Variants in CROCC observed in about 807,000 individuals in gnomAD.
CROCC encodes rootletin.
In CROCC, 180 loss-of-function variants were observed where a neutral mutation model predicts 245.2. The ratio of observed to expected loss-of-function variants is 0.73; its 90% confidence interval spans 0.65 to 0.83. The LOEUF (loss-of-function observed/expected upper bound fraction) is 0.83. CROCC is among the 40% of genes least tolerant of loss of function. CROCC has a pLI of 0.00. For synonymous variants in CROCC, 1,205 were observed against 1,241.6 expected (o/e 0.97, Z 0.62); for missense variants, 2,688 against 2,779.4 (o/e 0.97, Z 0.74).
intron 14 of CROCC, among the ~76,000 whole-genome samples, chr1:16,944,739 C>G (rs2076008808): frequency 6.6e-6 from 1 of 152,256 alleles, no homozygotes; most frequent in Non-Finnish European, 1.5e-5. Flanking sequence ...TGCCCCAGGT[C>G]ACACAGTTAG....
At chr1:16,939,248 A>G (rs1297144784) in intron 12 of CROCC, 106 bp downstream of exon 12, 9 of 1,052,906 alleles carry the variant, frequency 8.5e-6, no homozygotes, top group African/African-American at 5.0e-5. Flanking sequence ...CCAGGGTCCG[A>G]GGGAGGAGTC....
chr1:16,914,269 G>T lies in CROCC; in HGVS notation n.126-16017G>T, dbSNP rs11203412. ...GCGCTGTGTGTTCCGCGACTGCCGC[G>T]GCCCGGCACCGGAGGCCAGGAGAGC... On this transcript the variant is annotated intron_variant and non_coding_transcript_variant, in intron 1 of 8. Transcript: ENST00000466256. Among the ~76,000 whole-genome samples the T allele has an allele frequency of 2.0e-3, 302 of 152,100 alleles. 1 individual carries two copies. The highest frequency in any genetic ancestry group is 6.4e-3 in the African/African-American group (267 of 41,518).
intron 17 of CROCC, among the ~76,000 whole-genome samples, chr1:16,948,018 T>G (rs1230870748): frequency 6.6e-6 from 1 of 152,272 alleles, no homozygotes; most frequent in East Asian, 1.9e-4. Context: ...TTTGTATTTT[T>G]AGTAGAGACA....
Position 16,936,751 on chromosome 1 carries a change from G to A in CROCC, c.1071G>A (p.Leu357=). 1 of 1,610,938 alleles carries A rather than the reference G, an allele frequency of 6.2e-7. No homozygotes were observed. Among genetic ancestry groups the A allele is most frequent in the Non-Finnish European group, 8.5e-7 (1 of 1,179,386 alleles). Residue 357 remains leucine (L), a synonymous_variant, in exon 9 of 37, where the codon CTG becomes CTA. Coordinates refer to ENST00000375541, the MANE Select transcript of CROCC (RefSeq NM_014675.5). ...CAGAGAGCCGGGCCGAGGCAGCCCT[G>A]GAGAAACAGGCCCTGCTGCAGGCCC... ...RLAESRAEAA[L]EKQALLQAQL...
Position 16,966,385 on chromosome 1 carries a change from G to A in CROCC, c.4697-23G>A. 1.3e-6 allele frequency: 2 copies of A among 1,505,694 alleles called. No individual in the cohort carries two copies. Among genetic ancestry groups the A allele is most frequent in the Admixed American group, 2.2e-5 (1 of 46,158 alleles). The allele number at this position is 1,505,694 out of a possible 1,614,324, so 93.3% of individuals were successfully genotyped here. A position where few individuals can be genotyped will look rare whatever the true frequency, so the allele number is the denominator to read the frequency against. On this transcript the variant is annotated intron_variant, in intron 29 of 36. Transcript: ENST00000375541. This position sits in a 1 kb window ranked among gnomAD's most constrained non-coding sequence, Gnocchi z 4.8. The stretch of plus-strand genomic sequence containing the variant: ...CTCGGGGCTGTGCTTGGCCATGCCT[G>A]ACGGGGTGGGTGGTGGCTACAGCCC...
At chr1:16,915,787 T>C (rs1484482695) in intron 1 of CROCC, among the ~76,000 whole-genome samples, 1 of 151,742 alleles carries the variant, frequency 6.6e-6, no homozygotes, top group African/African-American at 2.4e-5. Flanking sequence ...CAAGCGGGAG[T>C]CAGCTGTGCA....
intron 19 of CROCC, 150 bp downstream of exon 19, chr1:16,949,076 T>A: frequency 9.6e-7 from 1 of 1,044,990 alleles, no homozygotes; most frequent in Non-Finnish European, 1.4e-6. Flanking sequence ...AGATCTCACC[T>A]TCCCTTGAGC....
chr1:16,933,241 G>A (rs12096559), intron 8 of CROCC, among the ~76,000 whole-genome samples: 21,874 of 150,092 alleles, frequency 0.15, 915 homozygotes, highest in South Asian at 0.2. Context: ...CGAGGCGGGC[G>A]GACCACCTGA....
intron 8 of CROCC, among the ~76,000 whole-genome samples, chr1:16,933,575 CTTTT>C (rs371462394): frequency 1.2e-4 from 18 of 151,682 alleles, no homozygotes; most frequent in African/African-American, 4.3e-4. Flanking sequence ...TCTTTTTTTT[CTTTT>C]TTTTTGAGAT....
At chr1:16,955,665 A>G in intron 24 of CROCC, 115 bp downstream of exon 24, 2 of 982,244 alleles carry the variant, frequency 2.0e-6, no homozygotes, top group Non-Finnish European at 2.9e-6. Flanking sequence ...CTGTCTCCTA[A>G]GCAGAGCCTG....
At chr1:16,930,725 C>T (rs1469000663) in intron 7 of CROCC, 131 bp downstream of exon 7, 11 of 929,698 alleles carry the variant, frequency 1.2e-5, no homozygotes, top group East Asian at 5.5e-5. Flanking sequence ...AGTAAATAGC[C>T]GTCATCACAA....
At chr1:16,953,997 G>T in intron 21 of CROCC, 1 of 440,370 alleles carries the variant, frequency 2.3e-6, no homozygotes, top group South Asian at 3.9e-5. Flanking sequence ...TGCAGTCAGG[G>T]TGCTGTGGCG....
chr1:16,954,148 T>C lies in CROCC; in HGVS notation c.3187-75T>C, dbSNP rs1759226. ...CTAAGCCCCCAGTGGGCACATTTCCTAGGCAGCAAGAAGCCTGAGCATGCC... is the reference window on the plus strand; with the variant it reads ...CTAAGCCCCCAGTGGGCACATTTCCCAGGCAGCAAGAAGCCTGAGCATGCC... On this transcript the variant is annotated intron_variant, in intron 21 of 36. Coordinates refer to ENST00000375541, the MANE Select transcript of CROCC (RefSeq NM_014675.5). This position sits in a 1 kb window ranked among gnomAD's most constrained non-coding sequence, Gnocchi z 4.4. The C allele has an allele frequency of 0.052, 75,847 of 1,464,610 alleles. 2,150 individuals are homozygous for C. Among genetic ancestry groups the C allele is most frequent in the African/African-American group, 0.13 (9,173 of 70,814 alleles). 90.7% of individuals were successfully genotyped at this position (1,464,610 alleles called of 1,614,324 possible). A position where few individuals can be genotyped will look rare whatever the true frequency, so the allele number is the denominator to read the frequency against.
At chr1:16,925,845 G>A (rs1215272475) in intron 3 of CROCC, among the ~76,000 whole-genome samples, 2 of 152,236 alleles carry the variant, frequency 1.3e-5, no homozygotes, top group African/African-American at 4.8e-5. Context: ...GTTTCCCCAG[G>A]GTCTGCAGCG....
At chr1:16,964,493 A>G (rs2076388050) in intron 27 of CROCC, among the ~76,000 whole-genome samples, 1 of 151,356 alleles carries the variant, frequency 6.6e-6, no homozygotes, top group Admixed American at 6.6e-5. Context: ...AGTTCAAGCA[A>G]TTCTCCTGCC....
intron 11 of CROCC, 110 bp from the exon 12 acceptor site, chr1:16,938,799 G>T: frequency 9.2e-7 from 1 of 1,087,552 alleles, no homozygotes; most frequent in Non-Finnish European, 1.4e-6. Flanking sequence ...TCTTGTAAGA[G>T]GCAGCATTTG....
chr1:16,923,332 C>T (rs1333858889), intron 2 of CROCC, among the ~76,000 whole-genome samples: 8 of 152,258 alleles, frequency 5.3e-5, no homozygotes, highest in African/African-American at 1.7e-4. Context: ...GTGCTCTAAC[C>T]ATTGTCTGTG....
Position 16,941,686 on chromosome 1 carries a change from G to T in CROCC, c.1808+1593G>T, listed in dbSNP as rs2075936050. On this transcript the variant is annotated intron_variant, in intron 13 of 36. Transcript: ENST00000375541. ...GGCGGAGCTGGCAGCGAGCCGAGATGGCGCCACTGCACTCCAGCCTGAGCG... is the reference window on the plus strand; with the variant it reads ...GGCGGAGCTGGCAGCGAGCCGAGATTGCGCCACTGCACTCCAGCCTGAGCG... Among the ~76,000 whole-genome samples the T allele has an allele frequency of 2.6e-5, 4 of 151,732 alleles. No individual in the cohort carries two copies. The East Asian group carries it at 7.7e-4, about 29-fold the overall frequency.
chr1:16,937,551 G>A (rs1233806232), intron 9 of CROCC, 90 bp from the exon 10 acceptor site: 24 of 1,119,576 alleles, frequency 2.1e-5, no homozygotes, highest in Middle Eastern at 2.8e-4. Context: ...TCCCTGCCTC[G>A]GGTTTGGAGA....
Sources: allele counts gnomAD v4.1 joint callset (sites outside exome capture counted in the v4.1 genomes callset), GRCh38; gene constraint gnomAD v4.1.1; non-coding constraint Gnocchi (gnomAD v3.1); transcripts MANE v1.5; gene names NCBI Gene and HGNC (gene_info 2026-07-23, HGNC 2026-07-21).